CTPS1: variants seen among roughly 807,000 people sequenced by gnomAD.
CTPS1 encodes the protein CTP synthetase 1.
A neutral mutation model predicts 80.5 loss-of-function variants in CTPS1; 25 were observed. The ratio of observed to expected loss-of-function variants is 0.31; its 90% confidence interval spans 0.23 to 0.43. The LOEUF (loss-of-function observed/expected upper bound fraction) is 0.43, where lower values mean the gene tolerates loss of function less well. Ranked by LOEUF, CTPS1 falls within the 20% of genes least tolerant of loss-of-function variation. CTPS1 has a pLI of 1.00. For missense variants in CTPS1, 442 were observed against 725.7 expected, an observed-to-expected ratio of 0.61 and a Z score of 4.49; for synonymous variants, 267 against 252.5, an observed-to-expected ratio of 1.06 and a Z score of -0.54.
intron 3 of CTPS1, among the ~76,000 whole-genome samples, chr1:40,986,804 G>A (rs941310935): frequency 2.6e-5 from 4 of 152,128 alleles, no homozygotes; most frequent in African/African-American, 4.8e-5. Flanking sequence ...AACAGGTGGG[G>A]AAAACAAGCT....
chr1:41,003,289 C>T, intron 12 of CTPS1, 113 bp downstream of exon 12: 1 of 1,136,400 alleles, frequency 8.8e-7, no homozygotes. Context: ...GCCTGGGTTC[C>T]TAGCACCTCA....
Position 41,002,674 on chromosome 1 carries a change from G to A in CTPS1, c.1189+420G>A, listed in dbSNP as rs187343771. ...ATAAAAACTTAATGAGAGAGGGTAAGAAAACTTGAATTTTAAAGTACTGAG... is the reference window on the plus strand; with the variant it reads ...ATAAAAACTTAATGAGAGAGGGTAAAAAAACTTGAATTTTAAAGTACTGAG... On this transcript the variant is annotated intron_variant, in intron 11 of 18. Coordinates refer to ENST00000650070, the MANE Select transcript of CTPS1 (RefSeq NM_001905.4). 1.4e-4 allele frequency among the ~76,000 whole-genome samples: 21 copies of A among 152,174 alleles called. No homozygotes were observed. In the East Asian group the frequency reaches 3.9e-3, roughly 28 times the overall value.
chr1:40,985,056 C>T, intron 3 of CTPS1, 65 bp downstream of exon 3: 1 of 1,151,238 alleles, frequency 8.7e-7, no homozygotes, highest in Middle Eastern at 2.9e-4. Flanking sequence ...TCCCTCCCAC[C>T]TCTACACAGA....
intron 7 of CTPS1, among the ~76,000 whole-genome samples, chr1:40,995,522 A>C (rs961705193): frequency 6.6e-6 from 1 of 151,458 alleles, no homozygotes; most frequent in Non-Finnish European, 1.5e-5. Context: ...GCTACCCCCC[A>C]GTTAGCTGAG....
chr1:40,990,766 A>T (rs1042188351), intron 5 of CTPS1, among the ~76,000 whole-genome samples: 2 of 152,252 alleles, frequency 1.3e-5, no homozygotes, highest in East Asian at 3.8e-4. Flanking sequence ...AACAGTATTT[A>T]AATACTTAAA....
intron 13 of CTPS1, among the ~76,000 whole-genome samples, chr1:41,006,492 C>G (rs527584866): frequency 2.0e-5 from 3 of 152,264 alleles, no homozygotes; most frequent in Non-Finnish European, 2.9e-5. Flanking sequence ...TTCATGGGAT[C>G]CCCAGCCATA....
intron 9 of CTPS1, among the ~76,000 whole-genome samples, chr1:40,999,507 A>G (rs1400970184): frequency 6.6e-6 from 1 of 152,232 alleles, no homozygotes; most frequent in Non-Finnish European, 1.5e-5. Context: ...TAGGGAAATC[A>G]GTGCAGATGA....
intron 9 of CTPS1, among the ~76,000 whole-genome samples, chr1:40,999,581 T>C (rs1642851104): frequency 1.3e-5 from 2 of 152,126 alleles, no homozygotes; most frequent in South Asian, 4.2e-4. Flanking sequence ...GCTGTGGAGC[T>C]CTTACCTTGC....
At chr1:40,985,070 G>A in intron 3 of CTPS1, 79 bp downstream of exon 3, 1 of 1,004,208 alleles carries the variant, frequency 1.0e-6, no homozygotes, top group Non-Finnish European at 1.3e-6. Context: ...ACACAGATGT[G>A]TAATTCCCTT....
chr1:41,003,016 C>T (rs1243615154), intron 11 of CTPS1, 98 bp from the exon 12 acceptor site: 8 of 1,164,748 alleles, frequency 6.9e-6, no homozygotes, highest in Non-Finnish European at 1.0e-5. Context: ...TTATAATTCT[C>T]CAAATAAAGG....
At position 40,991,205 on chromosome 1, in the gene CTPS1, A is replaced by G. The variant is rs1642601389; in HGVS notation, c.596A>G (p.Asn199Ser). Residue 199 changes from asparagine (N) to serine (S), a missense_variant, in exon 6 of 19, where the codon AAT (asparagine) becomes AGT (serine). Physicochemically the swap from Asn to Ser is conservative, Grantham distance 46. Coordinates refer to ENST00000650070, the MANE Select transcript of CTPS1 (RefSeq NM_001905.4). The part of the protein sequence containing the change: ...TGEQKTKPTQ[N>S]SVRELRGLGL... ...GAACAGAAGACTAAACCTACCCAGA[A>G]TAGTGTTCGGGAACTTAGAGGACTT... 6.3e-7 allele frequency: 1 copy of G among 1,592,904 alleles called. No individual in the cohort carries two copies. The highest frequency in any genetic ancestry group is 8.5e-7 in the Non-Finnish European group (1 of 1,174,920).
chr1:41,010,101 A>G, intron 17 of CTPS1, 60 bp from the exon 18 acceptor site: 4 of 1,216,348 alleles, frequency 3.3e-6, no homozygotes, highest in Non-Finnish European at 4.8e-6. Flanking sequence ...GGTTACAAAA[A>G]CAGGGACGTA....
chr1:41,009,594 G>A lies in CTPS1; in HGVS notation c.1691+5G>A. ...AGGCTGCAGGCTCTCACCCAGGTAG[G>A]CGCACTCTTTGCTTCAGTAATCCAT... On this transcript the variant is annotated splice_donor_5th_base_variant and intron_variant, in intron 17 of 18. Transcript: ENST00000650070. The A allele has an allele frequency of 1.2e-6, 2 of 1,613,978 alleles. No homozygotes were observed. The highest frequency in any genetic ancestry group is 1.7e-6 in the Non-Finnish European group (2 of 1,179,994).
Position 40,987,366 on chromosome 1 carries a change from T to A in CTPS1, c.338-6T>A, listed in dbSNP as rs1642482654. ...GTAAGTTCCCTGTTTGTTTTCTTTT[T>A]CCCAGTTGTCCCTCATATCACAGAT... is the stretch of plus-strand genomic sequence containing the variant. On this transcript the variant is annotated splice_polypyrimidine_tract_variant and splice_region_variant and intron_variant, in intron 3 of 18. Transcript: ENST00000650070. The A allele has an allele frequency of 6.2e-7, 1 of 1,608,596 alleles. No individual in the cohort carries two copies. Among genetic ancestry groups the A allele is most frequent in the Non-Finnish European group, 8.5e-7 (1 of 1,175,048 alleles).
intron 5 of CTPS1, 128 bp from the exon 6 acceptor site, chr1:40,991,037 A>G (rs930152414): frequency 2.9e-6 from 2 of 699,056 alleles, no homozygotes; most frequent in Admixed American, 6.3e-5. Context: ...TGACAAACAT[A>G]AAAGCTAAAT....
At chr1:40,997,643 T>C in intron 9 of CTPS1, 117 bp downstream of exon 9, 2 of 1,281,370 alleles carry the variant, frequency 1.6e-6, no homozygotes, top group Non-Finnish European at 2.1e-6. Context: ...TTTAAGGAAT[T>C]ACTTTTTAAG....
In CTPS1 at chr1:40,995,587, C is replaced by A. The variant is rs928075810; in HGVS notation, c.721-330C>A. 8.5e-5 allele frequency among the ~76,000 whole-genome samples: 13 copies of A among 152,170 alleles called. No homozygotes were observed. In the East Asian group the frequency reaches 2.5e-3, roughly 29 times the overall value. Reference sequence around the variant, plus strand: ...TAAATTTTGTATTTTTTTGTAGAGACAGTGTTTTACCATATTGCCCAGTCT... The same window carrying A: ...TAAATTTTGTATTTTTTTGTAGAGAAAGTGTTTTACCATATTGCCCAGTCT... On this transcript the variant is annotated intron_variant, in intron 7 of 18. Transcript: ENST00000650070.
intron 2 of CTPS1, 91 bp from the exon 3 acceptor site, chr1:40,984,730 C>T: frequency 9.7e-7 from 1 of 1,030,812 alleles, no homozygotes. Context: ...AATTGCACAC[C>T]TTGTTAATGA....
intron 17 of CTPS1, 120 bp from the exon 18 acceptor site, chr1:41,010,041 A>G: frequency 1.6e-6 from 1 of 642,932 alleles, no homozygotes; most frequent in Non-Finnish European, 2.8e-6. Flanking sequence ...TGTAGCAAAC[A>G]GTCTTTGTGA....
Sources: gnomAD v4.1 joint callset for allele counts (sites outside exome capture counted in the v4.1 genomes callset) on GRCh38, gnomAD v4.1.1 for gene constraint, MANE v1.5 for transcripts, NCBI Gene and HGNC (gene_info 2026-07-23, HGNC 2026-07-21) for gene names.